The following FHIT variants were observed in gnomAD, a reference collection of about 807,000 sequenced individuals.
FHIT encodes bis(5'-adenosyl)-triphosphatase.
Under a neutral mutation model 17.9 loss-of-function variants are expected in FHIT, and 19 were observed. That is an observed-to-expected ratio of 1.06 (90% CI 0.74 to 1.56). The LOEUF (loss-of-function observed/expected upper bound fraction) is 1.56, where lower values mean the gene tolerates loss of function less well. Among genes scored for constraint, FHIT ranks in the 40% most tolerant of loss-of-function variants. The pLI is 0.00. For synonymous variants in FHIT, 81 were observed against 69.7 expected, an observed-to-expected ratio of 1.16 and a Z score of -0.81; for missense variants, 248 against 189.2, an observed-to-expected ratio of 1.31 and a Z score of -1.82.
intron 7 of FHIT, among the ~76,000 whole-genome samples, chr3:59,962,473 C>T (rs1487472517): frequency 6.6e-6 from 1 of 152,096 alleles, no homozygotes; most frequent in Non-Finnish European, 1.5e-5. Context: ...TTCTGAAAAG[C>T]AGAATGGCCT....
At chr3:60,370,496 A>C (rs914008283) in intron 5 of FHIT, among the ~76,000 whole-genome samples, 1 of 152,132 alleles carries the variant, frequency 6.6e-6, no homozygotes, top group African/African-American at 2.4e-5. Flanking sequence ...ATTCATCTAG[A>C]TATCCACCTT....
chr3:60,560,171 T>C (rs556363043), intron 4 of FHIT, among the ~76,000 whole-genome samples: 1 of 152,248 alleles, frequency 6.6e-6, no homozygotes, highest in South Asian at 2.1e-4. Flanking sequence ...TCCCTTATCA[T>C]GGCTATCAGT....
At chr3:60,572,388 A>G (rs2107665243) in intron 4 of FHIT, among the ~76,000 whole-genome samples, 1 of 152,280 alleles carries the variant, frequency 6.6e-6, no homozygotes, top group Admixed American at 6.5e-5. Flanking sequence ...GTTTTATAAT[A>G]TTTATTGTGT....
chr3:60,142,055 A>G (rs1395166155), intron 5 of FHIT, among the ~76,000 whole-genome samples: 2 of 152,222 alleles, frequency 1.3e-5, no homozygotes, highest in Non-Finnish European at 2.9e-5. Flanking sequence ...AGGTGCATCA[A>G]GGACACAAGA....
intron 1 of FHIT, among the ~76,000 whole-genome samples, chr3:61,215,495 C>T (rs36197522): frequency 6.6e-5 from 10 of 151,952 alleles, no homozygotes; most frequent in East Asian, 3.8e-4. Flanking sequence ...AAATAAAAGA[C>T]GATACAAACA....
chr3:60,047,194 C>A (rs1461585385), intron 5 of FHIT, among the ~76,000 whole-genome samples: 1 of 152,234 alleles, frequency 6.6e-6, no homozygotes, highest in East Asian at 1.9e-4. Context: ...AGGGCTATTT[C>A]CATCCTCAAT....
In FHIT at chr3:61,205,662, T is replaced by C. The variant is rs541187315; in HGVS notation, c.-212-4997A>G. On this transcript the variant is annotated intron_variant, in intron 1 of 9. Transcript: ENST00000492590. ...TTCTTATCCTTTTCCCACTTTTTGA[T>C]GGGGTTGTTTTTGTCTTGTAAATTT... is the stretch of plus-strand genomic sequence containing the variant. Among the ~76,000 whole-genome samples, 8 of 152,206 alleles carry C rather than the reference T, an allele frequency of 5.3e-5. No homozygotes were observed. In the South Asian group the frequency reaches 1.5e-3, roughly 28 times the overall value.
intron 8 of FHIT, among the ~76,000 whole-genome samples, chr3:59,857,708 T>G (rs983874779): frequency 8.3e-5 from 12 of 145,222 alleles, no homozygotes; most frequent in Non-Finnish European, 1.5e-4. Context: ...GTGCTGGGTT[T>G]TTTTTTTTTT....
chr3:61,249,735 C>T (rs993077819), intron 1 of FHIT, among the ~76,000 whole-genome samples: 7 of 151,976 alleles, frequency 4.6e-5, no homozygotes, highest in Non-Finnish European at 7.4e-5. Context: ...TATTATATTG[C>T]TAGCTGTGTA....
intron 2 of FHIT, among the ~76,000 whole-genome samples, chr3:61,083,866 A>G (rs1188235959): frequency 1.3e-5 from 2 of 152,148 alleles, no homozygotes; most frequent in Non-Finnish European, 2.9e-5. Flanking sequence ...ATAATATTCC[A>G]TTGTACGGAT....
intron 3 of FHIT, among the ~76,000 whole-genome samples, chr3:60,824,754 G>C (rs1344826807): frequency 6.6e-6 from 1 of 152,226 alleles, no homozygotes; most frequent in Admixed American, 6.5e-5. Flanking sequence ...AGATCTGATG[G>C]TTTAAAACAT....
At chr3:60,274,116 G>A (rs1267455437) in intron 5 of FHIT, among the ~76,000 whole-genome samples, 1 of 152,022 alleles carries the variant, frequency 6.6e-6, no homozygotes, top group African/African-American at 2.4e-5. Context: ...TATCATCTCT[G>A]CCTTCTACTC....
chr3:60,704,455 CACAA>C (rs2041323143), intron 4 of FHIT, among the ~76,000 whole-genome samples: 1 of 152,140 alleles, frequency 6.6e-6, no homozygotes, highest in Non-Finnish European at 1.5e-5. Context: ...TCCCAGACTT[CACAA>C]ACATATTCTT....
chr3:60,112,374 A>G (rs1169304462), intron 5 of FHIT, among the ~76,000 whole-genome samples: 3 of 152,186 alleles, frequency 2.0e-5, no homozygotes, highest in Non-Finnish European at 2.9e-5. Flanking sequence ...GCAAGAAACC[A>G]TAGAATGCTT....
At chr3:61,210,580 T>TAG (rs2039429763) in intron 1 of FHIT, among the ~76,000 whole-genome samples, 1 of 152,168 alleles carries the variant, frequency 6.6e-6, no homozygotes, top group Admixed American at 6.5e-5. Flanking sequence ...TGAGTGAGGC[T>TAG]CCGTGGGCGT....
Position 60,884,910 on chromosome 3 carries a change from C to CAAAAAAAAAAAA in FHIT, c.-110-62911_-110-62900dup, listed in dbSNP as rs71092651. Among the ~76,000 whole-genome samples, 147 of 110,222 alleles carry CAAAAAAAAAAAA rather than the reference C, an allele frequency of 1.3e-3. 2 individuals are homozygous for CAAAAAAAAAAAA. The highest frequency in any genetic ancestry group is 1.7e-3 in the Non-Finnish European group (93 of 53,728). The allele number at this position is 110,222 out of a possible 152,430, so 72.3% of individuals were successfully genotyped here. A position where few individuals can be genotyped will look rare whatever the true frequency, so the allele number is the denominator to read the frequency against. On this transcript the variant is annotated intron_variant, in intron 3 of 9. Transcript: ENST00000492590. ...TAGGTGACAGACTGAGACCCTTTCT[C>CAAAAAAAAAAAA]AAAAAAAAAAAAAAGAAGAAGAAGA...
intron 5 of FHIT, among the ~76,000 whole-genome samples, chr3:60,519,977 T>C (rs539226867): frequency 6.2e-4 from 94 of 152,278 alleles, no homozygotes; most frequent in African/African-American, 2.2e-3. Context: ...CTCACCCCAA[T>C]AGCAATACAA....
chr3:59,858,020 G>C (rs761775151), intron 8 of FHIT, among the ~76,000 whole-genome samples: 2 of 152,056 alleles, frequency 1.3e-5, no homozygotes, highest in Non-Finnish European at 2.9e-5. Context: ...TGGCTCAGCT[G>C]AATATTATTA....
chr3:60,621,992 G>A lies in FHIT; in HGVS notation c.-17-85013C>T, dbSNP rs782479011. On this transcript the variant is annotated intron_variant, in intron 4 of 9. Coordinates refer to ENST00000492590, the MANE Select transcript of FHIT (RefSeq NM_002012.4). Reference sequence around the variant, plus strand: ...ACTGTGTAGGGAGAATTAACCCTCTGCATTTTTCTTAAGGATTTGAGCTCT... The same window carrying A: ...ACTGTGTAGGGAGAATTAACCCTCTACATTTTTCTTAAGGATTTGAGCTCT... Among the ~76,000 whole-genome samples the A allele has an allele frequency of 2.6e-5, 4 of 152,176 alleles. No homozygotes were observed. In the South Asian group the frequency reaches 6.2e-4, roughly 24 times the overall value.
Sources: allele counts gnomAD v4.1 joint callset (sites outside exome capture counted in the v4.1 genomes callset), GRCh38; gene constraint gnomAD v4.1.1; transcripts MANE v1.5; gene names NCBI Gene and HGNC (gene_info 2026-07-23, HGNC 2026-07-21).